OPCML: variants seen among roughly 807,000 people sequenced by gnomAD.
OPCML encodes opioid binding protein/cell adhesion molecule like, also known as opioid-binding protein/cell adhesion molecule.
OPCML carries 13 observed loss-of-function variants against 37.8 expected under a neutral mutation model. The observed-to-expected ratio is 0.34, with a 90% CI of 0.22 to 0.55. The LOEUF (loss-of-function observed/expected upper bound fraction) is 0.55. OPCML is among the 20% of genes least tolerant of loss of function. The pLI, the probability that OPCML is intolerant of heterozygous loss-of-function variation, is 0.91. For synonymous variants in OPCML, 176 were observed against 168.8 expected (o/e 1.04, Z -0.33); for missense variants, 341 against 435.6 (o/e 0.78, Z 1.93).
intron 2 of OPCML, among the ~76,000 whole-genome samples, chr11:132,688,660 G>A (rs1381058418): frequency 1.3e-5 from 2 of 152,134 alleles, no homozygotes; most frequent in African/African-American, 2.4e-5. Context: ...TTTTCAGCAA[G>A]AGAGCATATT....
chr11:133,031,084 A>T (rs1290535542), intron 1 of OPCML, among the ~76,000 whole-genome samples: 2 of 152,234 alleles, frequency 1.3e-5, no homozygotes, highest in East Asian at 3.8e-4. Context: ...TTGTTAAAAC[A>T]TGATGGTTTA....
In OPCML at chr11:133,206,879, T is replaced by C. The variant is rs483139; in HGVS notation, c.62-263869A>G. Among the ~76,000 whole-genome samples, 24,391 of 152,088 alleles carry C rather than the reference T, an allele frequency of 0.16. 2,261 individuals carry two copies. The highest frequency in any genetic ancestry group is 0.21 in the Non-Finnish European group (14,055 of 67,972). On this transcript the variant is annotated intron_variant, in intron 1 of 7. Coordinates refer to ENST00000524381, the MANE Select transcript of OPCML (RefSeq NM_001012393.5). This position sits in a 1 kb window ranked among gnomAD's most constrained non-coding sequence, Gnocchi z 4.7. ...TGACCTATTCATGTCTTAGGACGGGTAGGTGGAGGGAGCCTGGGATCACCA... is the reference window on the plus strand; with the variant it reads ...TGACCTATTCATGTCTTAGGACGGGCAGGTGGAGGGAGCCTGGGATCACCA...
chr11:133,407,279 C>T (rs1471570586), intron 1 of OPCML, among the ~76,000 whole-genome samples: 1 of 151,806 alleles, frequency 6.6e-6, no homozygotes, highest in South Asian at 2.1e-4. Flanking sequence ...AATATTAATC[C>T]CTGGAGTTAG....
At chr11:132,973,081 A>C (rs1171089774) in intron 1 of OPCML, among the ~76,000 whole-genome samples, 3 of 152,014 alleles carry the variant, frequency 2.0e-5, no homozygotes, top group African/African-American at 4.8e-5. Context: ...GTTTGTTTTT[A>C]ATCAACTTTT....
chr11:132,921,006 G>C (rs772530926), intron 2 of OPCML, among the ~76,000 whole-genome samples: 1 of 152,234 alleles, frequency 6.6e-6, no homozygotes, highest in African/African-American at 2.4e-5. Context: ...TTCCCGCTGC[G>C]TCTGATTCTC....
chr11:132,828,692 C>A (rs1343284984), intron 2 of OPCML, among the ~76,000 whole-genome samples: 1 of 152,038 alleles, frequency 6.6e-6, no homozygotes, highest in Non-Finnish European at 1.5e-5. Flanking sequence ...AAATGACAAA[C>A]TTTTGGGTAT....
intron 4 of OPCML, among the ~76,000 whole-genome samples, chr11:132,481,525 A>G (rs1592241915): frequency 2.7e-5 from 4 of 150,370 alleles, no homozygotes; most frequent in African/African-American, 9.9e-5. Flanking sequence ...CAGAAAGTCA[A>G]CAAGGATACC....
intron 1 of OPCML, among the ~76,000 whole-genome samples, chr11:133,513,926 G>A (rs1948211227): frequency 6.6e-6 from 1 of 152,116 alleles, no homozygotes; most frequent in Admixed American, 6.5e-5. Context: ...CAAAGAAATC[G>A]AGCCAGCAAG....
chr11:133,248,302 C>T (rs1941017704), intron 1 of OPCML, among the ~76,000 whole-genome samples: 1 of 152,074 alleles, frequency 6.6e-6, no homozygotes, highest in African/African-American at 2.4e-5. Flanking sequence ...GAGTTAGGTA[C>T]CTGTGGGTTA....
rs370791848 is a variant in OPCML at position 132,597,741 on chromosome 11, C to T, written c.379+59346G>A. ...TCCTCTAGAGCAGATGGCTTCACAG[C>T]TGCAGAATTTTTAAATTTATATGTA... On this transcript the variant is annotated intron_variant, in intron 3 of 7. Transcript: ENST00000524381. 2.6e-5 allele frequency among the ~76,000 whole-genome samples: 4 copies of T among 152,168 alleles called. No homozygotes were observed. The East Asian group carries it at 7.7e-4, about 29-fold the overall frequency.
intron 4 of OPCML, among the ~76,000 whole-genome samples, chr11:132,468,177 G>T (rs754130840): frequency 3.9e-5 from 6 of 152,116 alleles, no homozygotes; most frequent in Middle Eastern, 3.4e-3. Context: ...CTCTCCTCTG[G>T]CTCTTTTTCT....
At chr11:133,080,714 G>GCA (rs1948701129) in intron 1 of OPCML, among the ~76,000 whole-genome samples, 1 of 152,124 alleles carries the variant, frequency 6.6e-6, no homozygotes, top group East Asian at 1.9e-4. Context: ...CCTTGAAGCT[G>GCA]GAGAGAGAAT....
intron 3 of OPCML, among the ~76,000 whole-genome samples, chr11:132,585,310 G>C (rs1432382886): frequency 6.6e-6 from 1 of 152,002 alleles, no homozygotes; most frequent in East Asian, 1.9e-4. Context: ...AATACTGATT[G>C]GTTAATATAG....
At chr11:133,421,463 G>A (rs1945885483) in intron 1 of OPCML, 1 of 985,274 alleles carries the variant, frequency 1.0e-6, no homozygotes, top group Non-Finnish European at 1.2e-6. Flanking sequence ...AGAAAAAACG[G>A]AAATTATCAT....
intron 1 of OPCML, among the ~76,000 whole-genome samples, chr11:133,262,642 A>G (rs564905710): frequency 6.6e-6 from 1 of 152,186 alleles, no homozygotes; most frequent in Admixed American, 6.5e-5. Flanking sequence ...TTCTTTGCCA[A>G]CGCTATGAAT....
At chr11:133,213,452 C>T (rs1229670318) in intron 1 of OPCML, among the ~76,000 whole-genome samples, 1 of 152,114 alleles carries the variant, frequency 6.6e-6, no homozygotes, top group Non-Finnish European at 1.5e-5. Flanking sequence ...TTTAGAGCAG[C>T]ATTATTTCAA....
intron 2 of OPCML, among the ~76,000 whole-genome samples, chr11:132,734,697 C>T (rs917322089): frequency 5.3e-5 from 8 of 152,122 alleles, no homozygotes; most frequent in Admixed American, 6.5e-5. Flanking sequence ...GAGTAATTTG[C>T]TACATAGCAA....
rs185585894 is a variant in OPCML, at chr11:133,241,103, G to A, written c.61+291161C>T. Among the ~76,000 whole-genome samples, 250 of 152,330 alleles carry A rather than the reference G, an allele frequency of 1.6e-3. No homozygotes were observed. In the Middle Eastern group the frequency reaches 0.02, roughly 12 times the overall value. On this transcript the variant is annotated intron_variant, in intron 1 of 7. Coordinates refer to ENST00000524381, the MANE Select transcript of OPCML (RefSeq NM_001012393.5). ...GATGGAGGCTCATGCTTAGGTGCAT[G>A]TCTGACGTCATTTACTAGGGGCAGT...
At chr11:133,528,134 G>A (rs990747335) in intron 1 of OPCML, among the ~76,000 whole-genome samples, 11 of 152,214 alleles carry the variant, frequency 7.2e-5, no homozygotes, top group East Asian at 1.9e-4. Context: ...CCTCAAGCCC[G>A]TCGGGATCTC....
Sources: gnomAD v4.1 joint callset for allele counts (sites outside exome capture counted in the v4.1 genomes callset) on GRCh38, gnomAD v4.1.1 for gene constraint, Gnocchi (gnomAD v3.1) non-coding constraint, MANE v1.5 for transcripts, NCBI Gene and HGNC (gene_info 2026-07-23, HGNC 2026-07-21) for gene names.